The following ZSCAN25 variants were observed in gnomAD, a reference collection of about 807,000 sequenced individuals.
ZSCAN25 encodes zinc finger and SCAN domain containing 25, also known as zinc finger and SCAN domain-containing protein 25.
ZSCAN25 carries 27 observed loss-of-function variants against 38.7 expected under a neutral mutation model. The observed-to-expected ratio is 0.70, with a 90% confidence interval of 0.51 to 0.96. ZSCAN25 has a LOEUF of 0.96. Ranked by LOEUF, ZSCAN25 falls within the 40% of genes least tolerant of loss-of-function variation. ZSCAN25 has a pLI of 0.00. For missense variants in ZSCAN25, 637 were observed against 705.9 expected, an observed-to-expected ratio of 0.90 and a Z score of 1.11; for synonymous variants, 273 against 277.7, an observed-to-expected ratio of 0.98 and a Z score of 0.17.
the ZSCAN25 span, among the ~76,000 whole-genome samples, chr7:99,662,294 A>G: frequency 1.3e-5 from 2 of 152,268 alleles, no homozygotes; most frequent in African/African-American, 2.4e-5. This position sits in a 1 kb window ranked among gnomAD's most constrained non-coding sequence, Gnocchi z 4.3. Context: ...TCCATGGGTC[A>G]TAAAACTAGT....
the ZSCAN25 span, chr7:99,715,840 G>C: frequency 4.3e-6 from 7 of 1,613,926 alleles, no homozygotes; most frequent in Non-Finnish European, 4.2e-6. Flanking sequence ...GTGGATTGTT[G>C]AGAGAGTCGA....
the ZSCAN25 span, among the ~76,000 whole-genome samples, chr7:99,686,922 G>A: frequency 6.6e-6 from 1 of 152,218 alleles, no homozygotes; most frequent in Non-Finnish European, 1.5e-5. Context: ...AACAGGGTCT[G>A]GAGTGGACCT....
the ZSCAN25 span, chr7:99,715,741 A>C: frequency 6.2e-7 from 1 of 1,613,638 alleles, no homozygotes; most frequent in Non-Finnish European, 8.5e-7. Context: ...GAGAAAAGGA[A>C]ATAGTAGTCC....
chr7:99,630,079 G>A lies in ZSCAN25; in HGVS notation c.*59G>A. The A allele has an allele frequency of 1.4e-6, 2 of 1,454,026 alleles. No individual in the cohort carries two copies. Among genetic ancestry groups the A allele is most frequent in the Non-Finnish European group, 1.8e-6 (2 of 1,103,190 alleles). 90.1% of individuals were successfully genotyped at this position (1,454,026 alleles called of 1,614,324 possible). ...CTTTCTCACTGCAGGGCCTTGCGGG[G>A]TGCAAGGTGATGGCTGCAGGAAAGC... On this transcript the variant is annotated 3_prime_UTR_variant, in exon 8 of 8. Coordinates refer to ENST00000394152, the MANE Select transcript of ZSCAN25 (RefSeq NM_145115.3).
chr7:99,694,627 G>A, the ZSCAN25 span, among the ~76,000 whole-genome samples: 7 of 152,162 alleles, frequency 4.6e-5, no homozygotes, highest in South Asian at 6.2e-4. Flanking sequence ...AAAAGGTGGC[G>A]GGGAAATTAT....
At chr7:99,710,780 A>G in the ZSCAN25 span, 3 of 1,613,970 alleles carry the variant, frequency 1.9e-6, no homozygotes, top group Non-Finnish European at 2.5e-6. Flanking sequence ...TCTGCTGGAC[A>G]TCAGGGTGAG....
chr7:99,665,239 T>C, the ZSCAN25 span: 1 of 1,614,174 alleles, frequency 6.2e-7, no homozygotes, highest in Admixed American at 1.7e-5. Context: ...AGGGGTCTTG[T>C]GGATTGTTGA....
the ZSCAN25 span, among the ~76,000 whole-genome samples, chr7:99,645,028 G>T: frequency 4.6e-5 from 7 of 152,188 alleles, no homozygotes; most frequent in African/African-American, 1.7e-4. Flanking sequence ...GTCTCACTCT[G>T]TTGCCAGGCT....
rs1340067323 is a variant in ZSCAN25 at position 99,630,989 on chromosome 7, C to T, written c.*969C>T. On this transcript the variant is annotated 3_prime_UTR_variant, in exon 8 of 8. Coordinates refer to ENST00000394152, the MANE Select transcript of ZSCAN25 (RefSeq NM_145115.3). ...CCCCATTCTCATTGGACCCATTTCCCAAGTATTTATTGAGGCCCTGTAACA... is the reference window on the plus strand; with the variant it reads ...CCCCATTCTCATTGGACCCATTTCCTAAGTATTTATTGAGGCCCTGTAACA... 1 of 944,756 alleles carries T rather than the reference C, an allele frequency of 1.1e-6. No homozygotes were observed. The highest frequency in any genetic ancestry group is 1.3e-6 in the Non-Finnish European group (1 of 793,166). The allele number at this position is 944,756 out of a possible 1,614,324, so 58.5% of individuals were successfully genotyped here.
Position 99,621,589 on chromosome 7 carries a change from G to C in ZSCAN25, c.589+15G>C, listed in dbSNP as rs1350040647. On this transcript the variant is annotated intron_variant, in intron 5 of 7. Coordinates refer to ENST00000394152, the MANE Select transcript of ZSCAN25 (RefSeq NM_145115.3). ...CCAGGAGCAAGGTGAGTAAGACGCA[G>C]ATAGTGGGGATGTCAGGTCATAGGA... is the stretch of plus-strand genomic sequence containing the variant. 7.2e-7 allele frequency: 1 copy of C among 1,386,234 alleles called. No individual in the cohort carries two copies. Among genetic ancestry groups the C allele is most frequent in the Admixed American group, 2.7e-5 (1 of 37,134 alleles). The allele number at this position is 1,386,234 out of a possible 1,614,324, so 85.9% of individuals were successfully genotyped here.
chr7:99,715,845 A>G, the ZSCAN25 span: 1 of 1,613,916 alleles, frequency 6.2e-7, no homozygotes, highest in Non-Finnish European at 8.5e-7. Context: ...TTGTTGAGAG[A>G]GTCGATGCTC....
the ZSCAN25 span, chr7:99,730,837 T>C: frequency 9.4e-6 from 5 of 530,630 alleles, no homozygotes; most frequent in Non-Finnish European, 1.7e-5. Context: ...TTGCTGGATC[T>C]ACTTGACATT....
downstream of ZSCAN25, among the ~76,000 whole-genome samples, chr7:99,635,775 C>T (rs1472434154): frequency 8.5e-5 from 13 of 152,270 alleles, no homozygotes; most frequent in East Asian, 1.9e-4. Context: ...GGGCTGGGCG[C>T]GGTGGCTCAT....
rs372976188 is a variant in ZSCAN25 at position 99,626,727 on chromosome 7, G to A, written c.806-2464G>A. On this transcript the variant is annotated intron_variant, in intron 7 of 7. Transcript: ENST00000394152. ...GTCCCTGGAAGTAGCTGCAAGTCAG[G>A]TACATGGTCTGGGAGTTAAAATAAT... Among the ~76,000 whole-genome samples the A allele has an allele frequency of 9.8e-5, 15 of 152,306 alleles. No homozygotes were observed. In the East Asian group the frequency reaches 1.3e-3, roughly 14 times the overall value.
the ZSCAN25 span, among the ~76,000 whole-genome samples, chr7:99,656,062 A>G: frequency 6.6e-6 from 1 of 152,108 alleles, no homozygotes; most frequent in Non-Finnish European, 1.5e-5. Flanking sequence ...CTAATTGAAT[A>G]CCCTTTATTT....
intron 4 of ZSCAN25, chr7:99,620,775 T>C (rs1359286571): frequency 6.6e-6 from 1 of 152,246 alleles, no homozygotes; most frequent in African/African-American, 2.4e-5. Flanking sequence ...TTTATTATTT[T>C]TGAGACAGGG....
At chr7:99,718,200 C>G in the ZSCAN25 span, among the ~76,000 whole-genome samples, 1 of 151,876 alleles carries the variant, frequency 6.6e-6, no homozygotes, top group African/African-American at 2.4e-5. Context: ...TACAGCACAC[C>G]AACATGGCAC....
the ZSCAN25 span, among the ~76,000 whole-genome samples, chr7:99,719,301 A>G: frequency 6.6e-6 from 1 of 152,194 alleles, no homozygotes; most frequent in Admixed American, 6.5e-5. Flanking sequence ...ATGGAGGAAT[A>G]AACACAGTGA....
Position 99,632,148 on chromosome 7 carries a change from T to C in ZSCAN25, c.*2128T>C. 2.0e-6 allele frequency: 2 copies of C among 985,448 alleles called. No homozygotes were observed. The highest frequency in any genetic ancestry group is 2.4e-6 in the Non-Finnish European group (2 of 829,940). The allele number at this position is 985,448 out of a possible 1,614,324, so 61.0% of individuals were successfully genotyped here. ...TCAGAAGGAGCTGGGCCTTGCTGAC[T>C]TTCCTATCTGGCCTCTTCCCTATCT... On this transcript the variant is annotated 3_prime_UTR_variant, in exon 8 of 8. Transcript: ENST00000394152.
Sources: allele counts gnomAD v4.1 joint callset (sites outside exome capture counted in the v4.1 genomes callset), GRCh38; gene constraint gnomAD v4.1.1; non-coding constraint Gnocchi (gnomAD v3.1); transcripts MANE v1.5; gene names NCBI Gene and HGNC (gene_info 2026-07-23, HGNC 2026-07-21).